PLEKHA3: variants seen among roughly 807,000 people sequenced by gnomAD.
The protein encoded by PLEKHA3 is pleckstrin homology domain-containing family A member 3.
PLEKHA3 carries 19 observed loss-of-function variants against 39.2 expected under a neutral mutation model. The ratio of observed to expected loss-of-function variants is 0.48; its 90% confidence interval spans 0.34 to 0.71. PLEKHA3 has a LOEUF of 0.71. Ranked by LOEUF, PLEKHA3 falls within the 30% of genes least tolerant of loss-of-function variation. The probability of loss-of-function intolerance (pLI) is 0.01; values close to 1 mark genes in which losing one functional copy is unlikely to be tolerated. For missense variants in PLEKHA3, 253 were observed against 359.5 expected (o/e 0.70, Z 2.40); for synonymous variants, 97 against 118.6 (o/e 0.82, Z 1.18).
rs1685610608 is a variant in PLEKHA3, at chr2:178,506,927, T to C, written c.*3040T>C. ...CCCCAATCCACTCTTTGAATTCATGTTGAATTCTTAACTTGAAATTCTGTT... is the reference window on the plus strand; with the variant it reads ...CCCCAATCCACTCTTTGAATTCATGCTGAATTCTTAACTTGAAATTCTGTT... On this transcript the variant is annotated 3_prime_UTR_variant, in exon 8 of 8. Transcript: ENST00000234453. 6.6e-6 allele frequency: 1 copy of C among 152,222 alleles called. No individual in the cohort carries two copies. Among genetic ancestry groups the C allele is most frequent in the African/African-American group, 2.4e-5 (1 of 41,454 alleles). 9.4% of individuals were successfully genotyped at this position (152,222 alleles called of 1,614,324 possible).
intron 4 of PLEKHA3, 104 bp from the exon 5 acceptor site, chr2:178,495,392 T>C (rs1685425789): frequency 9.3e-7 from 1 of 1,080,078 alleles, no homozygotes; most frequent in Non-Finnish European, 1.4e-6. Context: ...GAACATAACA[T>C]AGTAATGTGT....
Position 178,504,833 on chromosome 2 carries a change from A to G in PLEKHA3, c.*946A>G, listed in dbSNP as rs1033253383. 8 of 152,410 alleles carry G rather than the reference A, an allele frequency of 5.2e-5. No individual in the cohort carries two copies. Among genetic ancestry groups the G allele is most frequent in the Non-Finnish European group, 1.2e-4 (8 of 67,866 alleles). The allele number at this position is 152,410 out of a possible 1,614,324, so 9.4% of individuals were successfully genotyped here. A position where few individuals can be genotyped will look rare whatever the true frequency, so the allele number is the denominator to read the frequency against. On this transcript the variant is annotated 3_prime_UTR_variant, in exon 8 of 8. Transcript: ENST00000234453. ...GGAATTCTGTCAAGATGACTGCTCT[A>G]TATCACTTGAGAATGGCATTATTTA...
chr2:178,485,830 GA>G, intron 2 of PLEKHA3, 73 bp downstream of exon 2: 8 of 1,132,484 alleles, frequency 7.1e-6, no homozygotes, highest in East Asian at 2.4e-5. Flanking sequence ...TCCAGACGAG[GA>G]AAAAAAGCAT....
chr2:178,513,710 A>G lies in PLEKHA3; in HGVS notation c.*9823A>G, dbSNP rs1025535574. 3 of 151,694 alleles carry G rather than the reference A, an allele frequency of 2.0e-5. No homozygotes were observed. The highest frequency in any genetic ancestry group is 4.4e-5 in the Non-Finnish European group (3 of 67,968). The allele number at this position is 151,694 out of a possible 1,614,324, so 9.4% of individuals were successfully genotyped here. ...AGAAGATGAGACAAATTTGCTGTAG[A>G]AGTTACCACTACTTGGTCAAAATAG... On this transcript the variant is annotated 3_prime_UTR_variant, in exon 8 of 8. Transcript: ENST00000234453.
rs968855859 is a variant in PLEKHA3 at position 178,495,597 on chromosome 2, G to A, written c.552G>A (p.Glu184=). The A allele has an allele frequency of 3.7e-6, 6 of 1,614,148 alleles. No individual in the cohort carries two copies. Among genetic ancestry groups the A allele is most frequent in the South Asian group, 1.1e-5 (1 of 91,084 alleles). ...VKIANAKFKP[E]MFQLHHPDPL... is the part of the protein sequence containing the mutation. The stretch of plus-strand genomic sequence containing the variant: ...TAGCCAATGCCAAGTTTAAACCTGA[G>A]ATGTTTCAACTGCACCATCCGGATC... The change falls in exon 5 of 8, where the codon GAG becomes GAA. Residue 184 remains glutamate (E), a synonymous_variant. Transcript: ENST00000234453.
chr2:178,495,080 G>A (rs1685420097), intron 4 of PLEKHA3, among the ~76,000 whole-genome samples: 1 of 152,060 alleles, frequency 6.6e-6, no homozygotes, highest in Admixed American at 6.6e-5. Context: ...AGGAAGAAGT[G>A]GGAGAATGGA....
At chr2:178,497,077 T>C (rs1685460984) in intron 5 of PLEKHA3, among the ~76,000 whole-genome samples, 1 of 151,924 alleles carries the variant, frequency 6.6e-6, no homozygotes. Context: ...TAAGCCACCA[T>C]GCCCAGCCGT....
rs769751570 is a variant in PLEKHA3 at position 178,490,831 on chromosome 2, C to A, written c.313+17C>A. 31 of 1,586,538 alleles carry A rather than the reference C, an allele frequency of 2.0e-5. No individual in the cohort carries two copies. Among genetic ancestry groups the A allele is most frequent in the African/African-American group, 4.1e-5 (3 of 73,440 alleles). On this transcript the variant is annotated intron_variant, in intron 3 of 7. Transcript: ENST00000234453. ...AAGAAAAAGGTAACTATAAACTTTT[C>A]CCTTGTGGTGAGAGTACTTTCTTAA...
chr2:178,495,671 C>T lies in PLEKHA3; in HGVS notation c.615+11C>T, dbSNP rs768103270. The T allele has an allele frequency of 1.3e-6, 2 of 1,577,740 alleles. No homozygotes were observed. Among genetic ancestry groups the T allele is most frequent in the Non-Finnish European group, 1.7e-6 (2 of 1,160,634 alleles). On this transcript the variant is annotated intron_variant, in intron 5 of 7. Coordinates refer to ENST00000234453, the MANE Select transcript of PLEKHA3 (RefSeq NM_019091.4). ...TCTCCTGTTCAAATGGTTTGAACTT[C>T]TTGTTTTGGTTTTTTCCCTCAGTAG...
chr2:178,502,445 T>A, intron 7 of PLEKHA3: 1 of 360,692 alleles, frequency 2.8e-6, no homozygotes, highest in Non-Finnish European at 5.5e-6. Flanking sequence ...GGAGGAGGGT[T>A]AAAGAGGTTG....
At position 178,480,471 on chromosome 2, in the gene PLEKHA3, A is replaced by C; in HGVS notation, c.-399A>C. The C allele has an allele frequency of 1.9e-5, 3 of 154,552 alleles. No homozygotes were observed. Among genetic ancestry groups the C allele is most frequent in the Non-Finnish European group, 2.9e-5 (2 of 69,684 alleles). 9.6% of individuals were successfully genotyped at this position (154,552 alleles called of 1,614,324 possible). A position where few individuals can be genotyped will look rare whatever the true frequency, so the allele number is the denominator to read the frequency against. ...CGGCCCCTTTCATCCAGGAAGTGAA[A>C]TCGACGTCGGGGTCAATGAAAACAA... On this transcript the variant is annotated 5_prime_UTR_variant, in exon 1 of 8. Coordinates refer to ENST00000234453, the MANE Select transcript of PLEKHA3 (RefSeq NM_019091.4).
intron 3 of PLEKHA3, among the ~76,000 whole-genome samples, chr2:178,493,004 C>T (rs898896421): frequency 7.2e-5 from 11 of 152,144 alleles, no homozygotes; most frequent in Admixed American, 4.6e-4. Context: ...ATTAAATGCG[C>T]AGATAGAGCT....
intron 7 of PLEKHA3, chr2:178,502,376 A>G: frequency 2.3e-6 from 1 of 429,100 alleles, no homozygotes; most frequent in Non-Finnish European, 4.7e-6. Flanking sequence ...GGGAAGGGGA[A>G]GGGAGAAAGA....
intron 2 of PLEKHA3, among the ~76,000 whole-genome samples, chr2:178,488,118 G>GAA (rs956041867): frequency 7.0e-6 from 1 of 142,998 alleles, no homozygotes; most frequent in African/African-American, 2.6e-5. Context: ...CCACAAAAAG[G>GAA]AAAAAAAAAA....
chr2:178,488,633 T>C (rs558840274), intron 2 of PLEKHA3, among the ~76,000 whole-genome samples: 27 of 152,370 alleles, frequency 1.8e-4, no homozygotes, highest in Middle Eastern at 3.4e-3. Flanking sequence ...TCTTTAGCTT[T>C]ATTCTCTTTG....
At chr2:178,480,989 G>C (rs1685153374) in intron 1 of PLEKHA3, 80 bp downstream of exon 1, 2 of 1,239,488 alleles carry the variant, frequency 1.6e-6, no homozygotes, top group African/African-American at 1.5e-5. Context: ...CTCTTCCTCC[G>C]TCTGGCCTCC....
intron 5 of PLEKHA3, among the ~76,000 whole-genome samples, chr2:178,497,477 G>A (rs544045156): frequency 2.0e-5 from 3 of 152,058 alleles, no homozygotes; most frequent in African/African-American, 2.4e-5. Context: ...TGATCTGCCC[G>A]CCTTAGTCTT....
chr2:178,503,538 A>G (rs1245141090), intron 7 of PLEKHA3, among the ~76,000 whole-genome samples: 4 of 151,956 alleles, frequency 2.6e-5, no homozygotes, highest in African/African-American at 4.8e-5. Context: ...ACTTCAGGCA[A>G]TTTCATCATT....
chr2:178,497,473 GCCCGCCTTAGTCTT>G (rs958089519), intron 5 of PLEKHA3, among the ~76,000 whole-genome samples: 3 of 152,064 alleles, frequency 2.0e-5, no homozygotes, highest in African/African-American at 7.2e-5. Flanking sequence ...CTCGTGATCT[GCCCGCCTTAGTCTT>G]CCAAAGTGTT....
Sources: allele counts gnomAD v4.1 joint callset (sites outside exome capture counted in the v4.1 genomes callset), GRCh38; gene constraint gnomAD v4.1.1; transcripts MANE v1.5; gene names NCBI Gene and HGNC (gene_info 2026-07-23, HGNC 2026-07-21).